DSCAM: variants seen among roughly 807,000 people sequenced by gnomAD.
DSCAM encodes cell adhesion molecule DSCAM.
Under a neutral mutation model 217.7 loss-of-function variants are expected in DSCAM, and 47 were observed. The ratio of observed to expected loss-of-function variants is 0.22; its 90% CI spans 0.17 to 0.28. The LOEUF (loss-of-function observed/expected upper bound fraction) is 0.28, where lower values mean the gene tolerates loss of function less well. DSCAM is among the 10% of genes least tolerant of loss of function. The pLI is 1.00. For missense variants in DSCAM, 2,080 were observed against 2,618.3 expected (o/e 0.79, Z 4.49); for synonymous variants, 1,056 against 1,015.3 (o/e 1.04, Z -0.76).
At chr21:40,330,052 C>T (rs970623343) in intron 8 of DSCAM, among the ~76,000 whole-genome samples, 5 of 151,868 alleles carry the variant, frequency 3.3e-5, no homozygotes, top group African/African-American at 1.2e-4. Context: ...CTATGTGAGA[C>T]AACCTATATG....
At chr21:40,047,852 C>G (rs2088866894) in intron 30 of DSCAM, among the ~76,000 whole-genome samples, 1 of 152,202 alleles carries the variant, frequency 6.6e-6, no homozygotes, top group Non-Finnish European at 1.5e-5. Context: ...CTGCTAGTCC[C>G]ATCCTGGGTA....
At chr21:40,766,642 GT>G (rs1218122163) in intron 1 of DSCAM, among the ~76,000 whole-genome samples, 5 of 49,178 alleles carry the variant, frequency 1.0e-4, no homozygotes, top group Non-Finnish European at 2.0e-4. Flanking sequence ...CATCACTAAT[GT>G]TTTTAAAAAG....
intron 6 of DSCAM, among the ~76,000 whole-genome samples, chr21:40,342,745 CTTTTT>C (rs1217476912): frequency 4.8e-4 from 32 of 67,148 alleles, no homozygotes; most frequent in Non-Finnish European, 7.9e-4. Context: ...CACACCACGC[CTTTTT>C]TTTTTTTTTT....
chr21:40,609,945 C>T (rs1319037558), intron 3 of DSCAM, among the ~76,000 whole-genome samples: 2 of 152,126 alleles, frequency 1.3e-5, no homozygotes, highest in East Asian at 3.9e-4. Flanking sequence ...TGGTGACAGT[C>T]CAACAAAGAG....
At chr21:40,263,622 G>A (rs886681255) in intron 11 of DSCAM, among the ~76,000 whole-genome samples, 2 of 152,048 alleles carry the variant, frequency 1.3e-5, no homozygotes, top group African/African-American at 4.8e-5. Flanking sequence ...AAGATCAGAA[G>A]TTGACAACCT....
rs931161898 is a variant in DSCAM, at chr21:40,244,487, G to C, written c.2356+31610C>G. Among the ~76,000 whole-genome samples, 24 of 150,800 alleles carry C rather than the reference G, an allele frequency of 1.6e-4. 1 individual carries two copies. Among genetic ancestry groups the C allele is most frequent in the Non-Finnish European group, 2.9e-5 (2 of 67,854 alleles). Reference sequence around the variant, plus strand: ...AAAAAAAAAAAGTCACAATTGTGCAGCAGTAGACTACTCTCCATTTAATCA... The same window carrying C: ...AAAAAAAAAAAGTCACAATTGTGCACCAGTAGACTACTCTCCATTTAATCA... On this transcript the variant is annotated intron_variant, in intron 11 of 32. Coordinates refer to ENST00000400454, the MANE Select transcript of DSCAM (RefSeq NM_001389.5).
intron 1 of DSCAM, among the ~76,000 whole-genome samples, chr21:40,779,355 C>T (rs904291206): frequency 2.0e-5 from 3 of 152,164 alleles, no homozygotes; most frequent in Non-Finnish European, 4.4e-5. Context: ...GGAATGGATT[C>T]TGACGAAGAG....
chr21:40,554,842 A>G (rs1310951032), intron 3 of DSCAM, among the ~76,000 whole-genome samples: 1 of 152,072 alleles, frequency 6.6e-6, no homozygotes, highest in East Asian at 1.9e-4. Context: ...AACCACCAAC[A>G]TGTTGTACTG....
At chr21:40,782,614 CAGCTACTCGGGA>C (rs1433458825) in intron 1 of DSCAM, among the ~76,000 whole-genome samples, 1 of 152,102 alleles carries the variant, frequency 6.6e-6, no homozygotes, top group Admixed American at 6.6e-5. Context: ...CCTGTAGACT[CAGCTACTCGGGA>C]AGCTGAAGTG....
intron 20 of DSCAM, among the ~76,000 whole-genome samples, chr21:40,106,040 A>G (rs1286017423): frequency 6.6e-6 from 1 of 152,334 alleles, no homozygotes; most frequent in South Asian, 2.1e-4. Flanking sequence ...ATAAAGAAAA[A>G]GAAGTTTAAT....
At chr21:40,404,848 G>T (rs2075267090) in intron 3 of DSCAM, among the ~76,000 whole-genome samples, 2 of 152,184 alleles carry the variant, frequency 1.3e-5, no homozygotes, top group South Asian at 4.1e-4. Context: ...TTGATTCAAT[G>T]GATGGATCAT....
At chr21:40,142,467 C>A in intron 18 of DSCAM, 91 bp downstream of exon 18, 1 of 1,461,648 alleles carries the variant, frequency 6.8e-7, no homozygotes, top group Non-Finnish European at 9.4e-7. Flanking sequence ...CCGCCATATC[C>A]TGAGCCCCTT....
chr21:40,364,710 A>C (rs996248711), intron 4 of DSCAM, among the ~76,000 whole-genome samples: 165 of 148,130 alleles, frequency 1.1e-3, no homozygotes, highest in Non-Finnish European at 1.9e-3. Context: ...ATATATATAC[A>C]CACACAGTAG....
At chr21:40,209,824 C>A (rs7280439) in intron 11 of DSCAM, among the ~76,000 whole-genome samples, 1 of 152,118 alleles carries the variant, frequency 6.6e-6, no homozygotes, top group Admixed American at 6.6e-5. Flanking sequence ...TATAACTCAT[C>A]GCTCATTCAT....
At chr21:40,456,434 G>A (rs2075764035) in intron 3 of DSCAM, among the ~76,000 whole-genome samples, 1 of 152,012 alleles carries the variant, frequency 6.6e-6, no homozygotes, top group Non-Finnish European at 1.5e-5. Context: ...TACCCAGGCA[G>A]AATAACATTT....
intron 3 of DSCAM, among the ~76,000 whole-genome samples, chr21:40,400,796 G>A (rs758854851): frequency 4.6e-5 from 7 of 152,134 alleles, no homozygotes; most frequent in Admixed American, 2.0e-4. Context: ...CCTATCTTGA[G>A]CTTTAAATGG....
rs545350447 is a variant in DSCAM at position 40,025,808 on chromosome 21, C to G, written c.5687-12422G>C. Reference sequence around the variant, plus strand: ...TAGCAGTCTATCTATTTTGTTGATCCTTTCAAAAAACCAGCTCCTGGATTC... The same window carrying G: ...TAGCAGTCTATCTATTTTGTTGATCGTTTCAAAAAACCAGCTCCTGGATTC... On this transcript the variant is annotated intron_variant, in intron 32 of 32. Coordinates refer to ENST00000400454, the MANE Select transcript of DSCAM (RefSeq NM_001389.5). 2.7e-4 allele frequency among the ~76,000 whole-genome samples: 41 copies of G among 150,692 alleles called. No homozygotes were observed. In the South Asian group the frequency reaches 5.1e-3, roughly 19 times the overall value.
At chr21:40,637,632 A>AATATATATAAATATATATAAAT (rs2089820174) in intron 3 of DSCAM, among the ~76,000 whole-genome samples, 6 of 42,220 alleles carry the variant, frequency 1.4e-4, no homozygotes, top group African/African-American at 5.7e-4. Context: ...TACATATATA[A>AATATATATAAATATATATAAAT]ATATATATAA....
intron 3 of DSCAM, 89 bp from the exon 4 acceptor site, chr21:40,369,334 C>T: frequency 7.4e-7 from 1 of 1,352,618 alleles, no homozygotes; most frequent in Non-Finnish European, 9.9e-7. Flanking sequence ...TTTTTTTTTC[C>T]CCCACCTGAA....
Sources: gnomAD v4.1 joint callset for allele counts (sites outside exome capture counted in the v4.1 genomes callset) on GRCh38, gnomAD v4.1.1 for gene constraint, MANE v1.5 for transcripts, NCBI Gene and HGNC (gene_info 2026-07-23, HGNC 2026-07-21) for gene names.